The following VAX1 variants were observed in gnomAD, a reference collection of about 807,000 sequenced individuals.
VAX1 encodes the protein ventral anterior homeobox 1.
VAX1 carries 6 observed loss-of-function variants against 17.6 expected under a neutral mutation model. That is an observed-to-expected ratio of 0.34 (90% confidence interval 0.19 to 0.67). VAX1 has a LOEUF of 0.67. Ranked by LOEUF, VAX1 falls within the 30% of genes least tolerant of loss-of-function variation. The pLI is 0.69. For missense variants in VAX1, 408 were observed against 463.7 expected, an observed-to-expected ratio of 0.88 and a Z score of 1.10; for synonymous variants, 256 against 227.4, an observed-to-expected ratio of 1.13 and a Z score of -1.13.
rs1479310909 is a variant in VAX1, at chr10:117,133,439, C to A, written c.*569G>T. On this transcript the variant is annotated 3_prime_UTR_variant, in exon 3 of 3. Transcript: ENST00000369206. ...GGAGAAAAACCGCAGGATTTGCCCG[C>A]CAGGAAGCTGTGTTGTGTACCGACT... 2.0e-6 allele frequency: 2 copies of A among 985,368 alleles called. No individual in the cohort carries two copies. The highest frequency in any genetic ancestry group is 1.7e-5 in the African/African-American group (1 of 57,222). The allele number at this position is 985,368 out of a possible 1,614,324, so 61.0% of individuals were successfully genotyped here. A position where few individuals can be genotyped will look rare whatever the true frequency, so the allele number is the denominator to read the frequency against.
In VAX1 at chr10:117,138,120, G is replaced by A. The variant is rs561013738; in HGVS notation, c.-64C>T. 5 of 106,928 alleles carry A rather than the reference G, an allele frequency of 4.7e-5. No individual in the cohort carries two copies. The highest frequency in any genetic ancestry group is 3.8e-4 in the South Asian group (5 of 13,276). 6.6% of individuals were successfully genotyped at this position (106,928 alleles called of 1,614,324 possible). A position where few individuals can be genotyped will look rare whatever the true frequency, so the allele number is the denominator to read the frequency against. On this transcript the variant is annotated 5_prime_UTR_variant, in exon 1 of 3. Transcript: ENST00000369206. ...GCAAAAAAAAAAAAAAGGGGGGGGGGCGGAGAAGGAAAAAAAAAAGAGGAA... is the reference window on the plus strand; with the variant it reads ...GCAAAAAAAAAAAAAAGGGGGGGGGACGGAGAAGGAAAAAAAAAAGAGGAA...
rs1854187641 is a variant in VAX1, at chr10:117,136,797, C to T, written c.242-138G>A. 2 of 1,029,452 alleles carry T rather than the reference C, an allele frequency of 1.9e-6. No homozygotes were observed. The highest frequency in any genetic ancestry group is 2.8e-6 in the Non-Finnish European group (2 of 719,774). 63.8% of individuals were successfully genotyped at this position (1,029,452 alleles called of 1,614,324 possible). On this transcript the variant is annotated intron_variant, in intron 1 of 2. Coordinates refer to ENST00000369206, the MANE Select transcript of VAX1 (RefSeq NM_001112704.2). This position sits in a 1 kb window ranked among gnomAD's most constrained non-coding sequence, Gnocchi z 5.0. ...GGCGGGGTGCGGAGCGCGACCACAA[C>T]CAGGTAGCAAAGACACTGTGTGGAG...
rs372806696 is a variant in VAX1 at position 117,138,118 on chromosome 10, GGGC to G, written c.-65_-63del. ...AAGCAAAAAAAAAAAAAAGGGGGGG[GGGC>G]GGAGAAGGAAAAAAAAAAGAGGAAA... On this transcript the variant is annotated 5_prime_UTR_variant, in exon 1 of 3. Transcript: ENST00000369206. The G allele has an allele frequency of 0.11, 32,897 of 306,320 alleles. 4,795 individuals carry two copies. The highest frequency in any genetic ancestry group is 0.23 in the African/African-American group (7,686 of 33,732). The allele number at this position is 306,320 out of a possible 1,614,324, so 19.0% of individuals were successfully genotyped here. A position where few individuals can be genotyped will look rare whatever the true frequency, so the allele number is the denominator to read the frequency against.
chr10:117,136,868 C>T lies in VAX1; in HGVS notation c.242-209G>A, dbSNP rs1039541964. Among the ~76,000 whole-genome samples, 2 of 152,230 alleles carry T rather than the reference C, an allele frequency of 1.3e-5. No homozygotes were observed. Among genetic ancestry groups the T allele is most frequent in the East Asian group, 3.9e-4 (2 of 5,178 alleles). ...ACCGCTGACCGAAGGAGGGACCACACTTTGTCTTTTTGTAGAGTCCTCCAG... is the reference window on the plus strand; with the variant it reads ...ACCGCTGACCGAAGGAGGGACCACATTTTGTCTTTTTGTAGAGTCCTCCAG... On this transcript the variant is annotated intron_variant, in intron 1 of 2. Transcript: ENST00000369206. The surrounding 1 kb of genome is among the most constrained non-coding windows in gnomAD (Gnocchi z 5.0).
chr10:117,132,806 C>T (rs997325336), downstream of VAX1, among the ~76,000 whole-genome samples: 3 of 152,194 alleles, frequency 2.0e-5, no homozygotes, highest in Admixed American at 2.0e-4. The surrounding 1 kb of genome is among the most constrained non-coding windows in gnomAD (Gnocchi z 4.9). Flanking sequence ...TCCGAGACTA[C>T]TGCTAGAGGA....
chr10:117,132,384 C>CCAAAT (rs996227162), downstream of VAX1: 26 of 1,610,540 alleles, frequency 1.6e-5, no homozygotes, highest in Admixed American at 3.4e-5. The surrounding 1 kb of genome is among the most constrained non-coding windows in gnomAD (Gnocchi z 4.9). Context: ...TACAAAACAT[C>CCAAAT]CAAATATCCA....
At chr10:117,130,130 A>G (rs1002919253), downstream of VAX1, 1 of 152,224 alleles carries the variant, frequency 6.6e-6, no homozygotes, top group South Asian at 2.1e-4. Context: ...GGAGCTTACA[A>G]TCTTGGGTTC....
Position 117,136,451 on chromosome 10 carries a change from TGCGGCCTGGTC to T in VAX1, c.429+10_429+20del. The T allele has an allele frequency of 1.2e-6, 2 of 1,611,426 alleles. No homozygotes were observed. The highest frequency in any genetic ancestry group is 8.5e-7 in the Non-Finnish European group (1 of 1,179,770). ...GGAGGAAGGCTGGTGCAGAACTGTG[TGCGGCCTGGTC>T]GCCGGGTACCTGGGTCTCGGAGAGG... On this transcript the variant is annotated intron_variant, in intron 2 of 2. Coordinates refer to ENST00000369206, the MANE Select transcript of VAX1 (RefSeq NM_001112704.2). The surrounding 1 kb of genome is among the most constrained non-coding windows in gnomAD (Gnocchi z 5.0).
chr10:117,138,176 C>T lies in VAX1; in HGVS notation c.-120G>A. On this transcript the variant is annotated 5_prime_UTR_variant, in exon 1 of 3. Transcript: ENST00000369206. ...GGACAAAACCCCCGACAACGCGGCC[C>T]GTACGCCCGGCCCGGCGACAGGCAA... is the stretch of plus-strand genomic sequence containing the variant. The T allele has an allele frequency of 3.5e-6, 4 of 1,147,856 alleles. No individual in the cohort carries two copies. Among genetic ancestry groups the T allele is most frequent in the Non-Finnish European group, 4.8e-6 (4 of 836,642 alleles). The allele number at this position is 1,147,856 out of a possible 1,614,324, so 71.1% of individuals were successfully genotyped here.
chr10:117,137,968 C>G lies in VAX1; in HGVS notation c.89G>C (p.Arg30Pro), dbSNP rs759967956. The stretch of plus-strand genomic sequence containing the variant: ...GTTCCCCTCCGCGCCCTTGCTCTCC[C>G]GACTCTCCTTGTGCGCGTTCTTCGA... ...RVSKNAHKES[R>P]ESKGAEGNLP... Residue 30 changes from arginine to proline, a missense_variant, in exon 1 of 3, where the codon CGG becomes CCG. Physicochemically the swap from Arg to Pro is moderately radical, Grantham distance 103. This residue lies in a region of VAX1 where 133 missense variants were observed against 112.0 expected (regional missense o/e 1.19). Coordinates refer to ENST00000369206, the MANE Select transcript of VAX1 (RefSeq NM_001112704.2). The surrounding 1 kb of genome is among the most constrained non-coding windows in gnomAD (Gnocchi z 7.4). 8 of 1,613,796 alleles carry G rather than the reference C, an allele frequency of 5.0e-6. No individual in the cohort carries two copies. The highest frequency in any genetic ancestry group is 6.8e-6 in the Non-Finnish European group (8 of 1,179,970).
chr10:117,135,078 T>TCTGGACC (rs1412464932), intron 2 of VAX1, among the ~76,000 whole-genome samples: 3 of 152,092 alleles, frequency 2.0e-5, no homozygotes, highest in Non-Finnish European at 4.4e-5. Context: ...GCCCAGCCTT[T>TCTGGACC]CTGGACCCAG....
At chr10:117,132,801 G>C (rs1298853527), downstream of VAX1, among the ~76,000 whole-genome samples, 3 of 152,184 alleles carry the variant, frequency 2.0e-5, no homozygotes, top group African/African-American at 7.2e-5. The surrounding 1 kb of genome is among the most constrained non-coding windows in gnomAD (Gnocchi z 4.9). Context: ...TGGACTCCGA[G>C]ACTACTGCTA....
chr10:117,138,116 G>A lies in VAX1; in HGVS notation c.-60C>T, dbSNP rs1282430192. On this transcript the variant is annotated 5_prime_UTR_variant, in exon 1 of 3. Transcript: ENST00000369206. ...AAAAGCAAAAAAAAAAAAAAGGGGG[G>A]GGGGCGGAGAAGGAAAAAAAAAAGA... 2.1e-5 allele frequency: 7 copies of A among 338,776 alleles called. 2 individuals are homozygous for A. Among genetic ancestry groups the A allele is most frequent in the South Asian group, 4.5e-5 (2 of 44,582 alleles). 21.0% of individuals were successfully genotyped at this position (338,776 alleles called of 1,614,324 possible). A position where few individuals can be genotyped will look rare whatever the true frequency, so the allele number is the denominator to read the frequency against.
At chr10:117,129,006 T>TTCCCGACGTA (rs1274713173), downstream of VAX1, 1 of 152,244 alleles carries the variant, frequency 6.6e-6, no homozygotes, top group African/African-American at 2.4e-5. Flanking sequence ...TGAAAAAGAC[T>TTCCCGACGTA]GAAATGTAAA....
chr10:117,137,850 C>G lies in VAX1; in HGVS notation c.207G>C (p.Ala69=). Residue 69 remains alanine (A), a synonymous_variant, in exon 1 of 3, where the codon GCG becomes GCC. Transcript: ENST00000369206. This position sits in a 1 kb window ranked among gnomAD's most constrained non-coding sequence, Gnocchi z 7.4. The part of the protein sequence containing the change: ...DCNKSKSNSA[A]DPDYCRRILV... ...GGATCCGGCGGCAGTAATCCGGGTC[C>G]GCTGCGGAATTGGATTTACTTTTGT... 6.2e-7 allele frequency: 1 copy of G among 1,613,252 alleles called. No individual in the cohort carries two copies. Among genetic ancestry groups the G allele is most frequent in the African/African-American group, 1.3e-5 (1 of 75,044 alleles).
rs773894040 is a variant in VAX1 at position 117,137,847 on chromosome 10, G to A, written c.210C>T (p.Asp70=). 9.9e-6 allele frequency: 16 copies of A among 1,613,008 alleles called. No homozygotes were observed. Among genetic ancestry groups the A allele is most frequent in the Admixed American group, 1.7e-5 (1 of 60,012 alleles). The part of the protein sequence containing the change: ...CNKSKSNSAA[D]PDYCRRILVR... ...CCAGGATCCGGCGGCAGTAATCCGG[G>A]TCCGCTGCGGAATTGGATTTACTTT... The change falls in exon 1 of 3, where the codon GAC becomes GAT. Residue 70 remains aspartate (D), a synonymous_variant. Transcript: ENST00000369206. This position sits in a 1 kb window ranked among gnomAD's most constrained non-coding sequence, Gnocchi z 7.4.
chr10:117,138,078 C>T lies in VAX1; in HGVS notation c.-22G>A, dbSNP rs775953293. 6.4e-5 allele frequency: 35 copies of T among 545,354 alleles called. No individual in the cohort carries two copies. Among genetic ancestry groups the T allele is most frequent in the Non-Finnish European group, 8.5e-5 (34 of 400,216 alleles). The allele number at this position is 545,354 out of a possible 1,614,324, so 33.8% of individuals were successfully genotyped here. On this transcript the variant is annotated 5_prime_UTR_variant, in exon 1 of 3. Coordinates refer to ENST00000369206, the MANE Select transcript of VAX1 (RefSeq NM_001112704.2). ...ACATAGGCAAGAACAACAACAAAAACAGAAAGGAAAAAAAAAGCAAAAAAA... is the reference window on the plus strand; with the variant it reads ...ACATAGGCAAGAACAACAACAAAAATAGAAAGGAAAAAAAAAGCAAAAAAA...
downstream of VAX1, chr10:117,131,881 TGCCTATTCTGG>T: frequency 3.2e-6 from 1 of 314,360 alleles, no homozygotes; most frequent in South Asian, 1.2e-4. Flanking sequence ...AATAAAACCT[TGCCTATTCTGG>T]GCCCATGATT....
downstream of VAX1, chr10:117,132,509 G>A (rs369838398): frequency 4.4e-6 from 7 of 1,582,232 alleles, no homozygotes; most frequent in Non-Finnish European, 6.0e-6. This position sits in a 1 kb window ranked among gnomAD's most constrained non-coding sequence, Gnocchi z 4.9. Flanking sequence ...AAAAGAGGGG[G>A]AGAGTTTCCG....
Sources: gnomAD v4.1 joint callset for allele counts (sites outside exome capture counted in the v4.1 genomes callset) on GRCh38, gnomAD v4.1.1 for gene constraint, gnomAD v4.1.1 regional missense constraint, Gnocchi (gnomAD v3.1) non-coding constraint, MANE v1.5 for transcripts, NCBI Gene and HGNC (gene_info 2026-07-23, HGNC 2026-07-21) for gene names.